TCF7: variants seen among roughly 807,000 people sequenced by gnomAD.
TCF7 encodes the protein transcription factor 7.
Under a neutral mutation model 46.8 loss-of-function variants are expected in TCF7, and 19 were observed. The observed-to-expected ratio is 0.41, with a 90% CI of 0.28 to 0.60. The LOEUF is 0.60. TCF7 is among the 20% of genes least tolerant of loss of function. The probability of loss-of-function intolerance (pLI) is 0.35; values close to 1 mark genes in which losing one functional copy is unlikely to be tolerated. For synonymous variants in TCF7, 245 were observed against 213.4 expected (o/e 1.15, Z -1.29); for missense variants, 547 against 504.6 (o/e 1.08, Z -0.81).
intron 9 of TCF7, chr5:134,144,216 C>A: frequency 6.1e-6 from 1 of 163,754 alleles, no homozygotes. Flanking sequence ...ACCACCTCAG[C>A]CGTGCTGTCC....
At chr5:134,139,315 G>A (rs1464268256) in intron 5 of TCF7, 4 of 461,598 alleles carry the variant, frequency 8.7e-6, no homozygotes, top group African/African-American at 7.7e-5. Context: ...GTGTCCAAGA[G>A]ATCCCCTTAG....
chr5:134,138,856 C>T, intron 4 of TCF7, 95 bp from the exon 5 acceptor site: 2 of 1,545,572 alleles, frequency 1.3e-6, no homozygotes, highest in East Asian at 2.3e-5. Context: ...CTGGTGGGAT[C>T]TTAAGGCCCC....
intron 3 of TCF7, among the ~76,000 whole-genome samples, chr5:134,126,358 C>T (rs1480813191): frequency 1.3e-5 from 2 of 152,110 alleles, no homozygotes; most frequent in Non-Finnish European, 2.9e-5. Context: ...GCCACAGGGT[C>T]GATGGCCATG....
chr5:134,135,799 C>G (rs950318748), intron 3 of TCF7, among the ~76,000 whole-genome samples: 1 of 152,040 alleles, frequency 6.6e-6, no homozygotes, highest in Non-Finnish European at 1.5e-5. Flanking sequence ...GCTGTAAACC[C>G]AGATGAGAGG....
intron 8 of TCF7, 80 bp downstream of exon 8, chr5:134,143,180 G>A: frequency 7.0e-7 from 1 of 1,423,480 alleles, no homozygotes; most frequent in Non-Finnish European, 9.6e-7. Context: ...TCTCAGTAAG[G>A]AACGCAGAAC....
chr5:134,143,379 A>T, intron 8 of TCF7: 1 of 792,308 alleles, frequency 1.3e-6, no homozygotes, highest in South Asian at 1.3e-5. Flanking sequence ...ACCTCCTTCC[A>T]TTCAAACTGG....
At chr5:134,121,693 G>A (rs910776612) in intron 3 of TCF7, among the ~76,000 whole-genome samples, 2 of 152,154 alleles carry the variant, frequency 1.3e-5, no homozygotes, top group African/African-American at 4.8e-5. Context: ...GGTGTGGGCA[G>A]CCTCCTTGCT....
chr5:134,126,402 C>G (rs1231162115), intron 3 of TCF7, among the ~76,000 whole-genome samples: 2 of 152,206 alleles, frequency 1.3e-5, no homozygotes, highest in Non-Finnish European at 2.9e-5. Context: ...GGAGTTGGGA[C>G]CAGAAAGGGC....
intron 5 of TCF7, 71 bp from the exon 6 acceptor site, chr5:134,142,114 G>C: frequency 1.2e-5 from 19 of 1,602,088 alleles, no homozygotes; most frequent in Non-Finnish European, 1.6e-5. Context: ...TATTATGCAG[G>C]GGCCTCTGTG....
intron 3 of TCF7, among the ~76,000 whole-genome samples, chr5:134,134,318 C>T (rs1365014748): frequency 6.6e-6 from 1 of 152,266 alleles, no homozygotes; most frequent in East Asian, 1.9e-4. Flanking sequence ...GGTCAAAGAG[C>T]CAGAGCCAAG....
chr5:134,139,201 C>A, intron 5 of TCF7, 163 bp downstream of exon 5: 1 of 1,118,470 alleles, frequency 8.9e-7, no homozygotes, highest in Non-Finnish European at 1.2e-6. Context: ...TGGCTCTGAG[C>A]TAGGGGTCCT....
intron 9 of TCF7, chr5:134,144,230 C>T (rs1251388738): frequency 6.1e-6 from 1 of 163,576 alleles, no homozygotes; most frequent in Admixed American, 5.8e-5. Flanking sequence ...GCTGTCCCCA[C>T]ACAGGGAAGC....
At position 134,146,279 on chromosome 5, in the gene TCF7, G is replaced by A. The variant is rs377581629; in HGVS notation, c.1131G>A (p.Pro377=). 30 of 1,614,108 alleles carry A rather than the reference G, an allele frequency of 1.9e-5. No homozygotes were observed. The highest frequency in any genetic ancestry group is 4.5e-5 in the East Asian group (2 of 44,888). The part of the protein sequence containing the change: ...TYPEKAAAPA[P]FLPMTVL ...CGGAGAAGGCCGCTGCCCCAGCCCC[G>A]TTCCTTCCGATGACAGTGCTCTAGG... Residue 377 remains proline, a synonymous_variant, in exon 10 of 10, where the codon CCG becomes CCA. Transcript: ENST00000342854.
chr5:134,146,705 G>A lies in TCF7; in HGVS notation c.*402G>A, dbSNP rs1036978016. The A allele has an allele frequency of 1.0e-4, 64 of 614,474 alleles. No homozygotes were observed. The African/African-American group carries it at 1.1e-3, about 10-fold the overall frequency. The allele number at this position is 614,474 out of a possible 1,614,324, so 38.1% of individuals were successfully genotyped here. A position where few individuals can be genotyped will look rare whatever the true frequency, so the allele number is the denominator to read the frequency against. ...ATCGATTCAAACTGCTCCAAGTGGT[G>A]GGAATCAGATCTGTCTTGATGTGTC... On this transcript the variant is annotated 3_prime_UTR_variant, in exon 10 of 10. Coordinates refer to ENST00000342854, the MANE Select transcript of TCF7 (RefSeq NM_003202.5).
At chr5:134,144,688 G>C in intron 9 of TCF7, 1 of 808,640 alleles carries the variant, frequency 1.2e-6, no homozygotes, top group South Asian at 1.5e-5. Flanking sequence ...GCTGTAGGGT[G>C]TCTATAACTG....
At chr5:134,124,681 C>T (rs1757097559) in intron 3 of TCF7, among the ~76,000 whole-genome samples, 1 of 152,232 alleles carries the variant, frequency 6.6e-6, no homozygotes, top group Non-Finnish European at 1.5e-5. Context: ...CGCCCTGCCC[C>T]CCATTAAAAC....
intron 3 of TCF7, among the ~76,000 whole-genome samples, chr5:134,122,563 A>G (rs1756752129): frequency 6.6e-6 from 1 of 152,146 alleles, no homozygotes; most frequent in Non-Finnish European, 1.5e-5. Context: ...AGGGAGGTTT[A>G]GCTGAGCTTA....
intron 5 of TCF7, 100 bp from the exon 6 acceptor site, chr5:134,142,085 C>G: frequency 6.5e-7 from 1 of 1,537,242 alleles, no homozygotes. Flanking sequence ...TATCTGTTCA[C>G]CTGTGTCCTC....
At chr5:134,137,450 GAGAAA>G (rs979636548) in intron 3 of TCF7, among the ~76,000 whole-genome samples, 14 of 143,068 alleles carry the variant, frequency 9.8e-5, no homozygotes, top group Non-Finnish European at 1.5e-5. Context: ...AAAAAAAACA[GAGAAA>G]AAAGAAAAGT....
Sources: allele counts gnomAD v4.1 joint callset (sites outside exome capture counted in the v4.1 genomes callset), GRCh38; gene constraint gnomAD v4.1.1; transcripts MANE v1.5; gene names NCBI Gene and HGNC (gene_info 2026-07-23, HGNC 2026-07-21).